The following INSR variants were observed in gnomAD, a reference collection of about 807,000 sequenced individuals.
INSR encodes the protein IR.
INSR carries 67 observed loss-of-function variants against 142.6 expected under a neutral mutation model. That is an observed-to-expected ratio of 0.47 (90% confidence interval 0.39 to 0.58). The LOEUF (loss-of-function observed/expected upper bound fraction) is 0.58, where lower values mean the gene tolerates loss of function less well. Among genes scored for constraint, INSR ranks in the 20% least tolerant of loss-of-function variants. INSR has a pLI of 0.00. For missense variants in INSR, 1,248 were observed against 1,833.2 expected (o/e 0.68, Z 5.83); for synonymous variants, 756 against 743.1 (o/e 1.02, Z -0.28).
chr19:7,214,799 C>G (rs1333766179), intron 2 of INSR, among the ~76,000 whole-genome samples: 1 of 145,746 alleles, frequency 6.9e-6, no homozygotes, highest in Non-Finnish European at 1.5e-5. Flanking sequence ...TCCCTCCCTC[C>G]CTCCTCCCTC....
chr19:7,283,787 CT>C (rs1968271116), intron 1 of INSR, among the ~76,000 whole-genome samples: 1 of 152,092 alleles, frequency 6.6e-6, no homozygotes, highest in Admixed American at 6.6e-5. Flanking sequence ...TAGTTTGGCT[CT>C]GTGAAATTCC....
chr19:7,251,346 T>C (rs759824779), intron 2 of INSR, among the ~76,000 whole-genome samples: 1 of 152,018 alleles, frequency 6.6e-6, no homozygotes, highest in Non-Finnish European at 1.5e-5. Flanking sequence ...AGCCTCAACC[T>C]TCTGTGCTCA....
At chr19:7,208,272 CA>C (rs1287156664) in intron 2 of INSR, among the ~76,000 whole-genome samples, 1 of 152,146 alleles carries the variant, frequency 6.6e-6, no homozygotes, top group African/African-American at 2.4e-5. Context: ...ATCTAAAGAT[CA>C]AAGGTGTTTC....
chr19:7,117,335 G>C lies in INSR; in HGVS notation c.3870C>G (p.Leu1290=), dbSNP rs1972360059. 6.2e-7 allele frequency: 1 copy of C among 1,614,012 alleles called. No individual in the cohort carries two copies. Among genetic ancestry groups the C allele is most frequent in the African/African-American group, 1.3e-5 (1 of 74,916 alleles). ...GAAAGCTGGGGTGCAGGTCGTCCTT[G>C]AGCAGGTTGACAATCTCCAGGAAGG... ...RPTFLEIVNL[L]KDDLHPSFPE... Residue 1290 remains leucine, a synonymous_variant, in exon 22 of 22, where the codon CTC becomes CTG. Coordinates refer to ENST00000302850, the MANE Select transcript of INSR (RefSeq NM_000208.4).
At chr19:7,231,374 C>T (rs1010263190) in intron 2 of INSR, among the ~76,000 whole-genome samples, 10 of 145,750 alleles carry the variant, frequency 6.9e-5, no homozygotes, top group African/African-American at 2.6e-4. Flanking sequence ...GATCTCTGCT[C>T]TCTGCAACCT....
intron 3 of INSR, among the ~76,000 whole-genome samples, chr19:7,177,152 T>C (rs551549733): frequency 6.6e-6 from 1 of 152,270 alleles, no homozygotes; most frequent in South Asian, 2.1e-4. Flanking sequence ...AAAGCCCTTC[T>C]AGATCCAGGA....
At chr19:7,271,830 C>T (rs928043584) in intron 1 of INSR, among the ~76,000 whole-genome samples, 58 of 151,248 alleles carry the variant, frequency 3.8e-4, no homozygotes, top group South Asian at 1.3e-3. Context: ...GGCAACATAG[C>T]GAGTCTCCAT....
At chr19:7,209,706 G>A (rs1975218574) in intron 2 of INSR, among the ~76,000 whole-genome samples, 1 of 152,004 alleles carries the variant, frequency 6.6e-6, no homozygotes, top group Non-Finnish European at 1.5e-5. Flanking sequence ...GAGCCATGAC[G>A]CCTGGCCAAA....
At chr19:7,263,150 T>G (rs1446612077) in intron 2 of INSR, among the ~76,000 whole-genome samples, 3 of 151,846 alleles carry the variant, frequency 2.0e-5, no homozygotes, top group Admixed American at 1.3e-4. Context: ...TGGTGGCTGG[T>G]GCCTATAAGT....
At chr19:7,202,419 C>T (rs950883224) in intron 2 of INSR, among the ~76,000 whole-genome samples, 2 of 152,124 alleles carry the variant, frequency 1.3e-5, no homozygotes, top group African/African-American at 4.8e-5. Context: ...TCATTGTCAT[C>T]TTCAAATAGT....
At chr19:7,195,267 A>T (rs1369538448) in intron 2 of INSR, among the ~76,000 whole-genome samples, 2 of 152,118 alleles carry the variant, frequency 1.3e-5, no homozygotes, top group Non-Finnish European at 2.9e-5. Flanking sequence ...AAAAGACAAA[A>T]TATTTGTGTA....
intron 3 of INSR, among the ~76,000 whole-genome samples, chr19:7,178,427 C>T (rs1446881379): frequency 6.6e-6 from 1 of 151,998 alleles, no homozygotes; most frequent in Non-Finnish European, 1.5e-5. Flanking sequence ...CCAATTAAAA[C>T]TCTGGATACT....
rs753211899 is a variant in INSR, at chr19:7,125,355, T to G, written c.3186A>C (p.Ser1062=). ...TRVAVKTVNE[S]ASLRERIEFL... is the part of the protein sequence containing the mutation. The stretch of plus-strand genomic sequence containing the variant: ...ACTCAATCCGCTCTCGGAGACTGGC[T>G]GACTCGTTGACCGTCTTCACCGCCA... Residue 1062 remains serine (S), a synonymous_variant, in exon 17 of 22, where the codon TCA becomes TCC. Coordinates refer to ENST00000302850, the MANE Select transcript of INSR (RefSeq NM_000208.4). The surrounding 1 kb of genome is among the most constrained non-coding windows in gnomAD (Gnocchi z 4.9). The G allele has an allele frequency of 6.2e-7, 1 of 1,614,106 alleles. No individual in the cohort carries two copies. The highest frequency in any genetic ancestry group is 8.5e-7 in the Non-Finnish European group (1 of 1,180,016).
rs560728256 is a variant in INSR at position 7,207,253 on chromosome 19, TAA to T, written c.653-22618_653-22617del. Among the ~76,000 whole-genome samples the T allele has an allele frequency of 7.9e-4, 120 of 151,890 alleles. 1 individual carries two copies. Among genetic ancestry groups the T allele is most frequent in the African/African-American group, 2.7e-3 (111 of 41,424 alleles). ...CAACATGGTGAAACCTTGTCTCTGC[TAA>T]AAATAGAAAAATTAGCCAGGCATGG... On this transcript the variant is annotated intron_variant, in intron 2 of 21. Coordinates refer to ENST00000302850, the MANE Select transcript of INSR (RefSeq NM_000208.4).
At chr19:7,208,074 CTCGTGTTTGGCTCACGA>C (rs1975165883) in intron 2 of INSR, among the ~76,000 whole-genome samples, 1 of 152,082 alleles carries the variant, frequency 6.6e-6, no homozygotes, top group South Asian at 2.1e-4. Flanking sequence ...AGAAAACCAC[CTCGTGTTTGGCTCACGA>C]ACTTCTGCTT....
chr19:7,127,813 G>A (rs911308392), intron 15 of INSR, among the ~76,000 whole-genome samples: 15 of 150,954 alleles, frequency 9.9e-5, no homozygotes, highest in Admixed American at 9.9e-4. Flanking sequence ...GTGCGATCTC[G>A]GCTCACTGCA....
Position 7,248,754 on chromosome 19 carries a change from A to ATTTTTTTTTTTTTTTTTT in INSR, c.652+18573_652+18590dup, listed in dbSNP as rs552940485. Reference sequence around the variant, plus strand: ...CCTGGACTATTCCCGGTTGGCCAGAATTTTTTTTTTTTTTTTTTTTTGAGA... The same window carrying ATTTTTTTTTTTTTTTTTT: ...CCTGGACTATTCCCGGTTGGCCAGAATTTTTTTTTTTTTTTTTTTTTTTTTTTTTTTTTTTTTTTGAGA... On this transcript the variant is annotated intron_variant, in intron 2 of 21. Transcript: ENST00000302850. Among the ~76,000 whole-genome samples, 17 of 97,276 alleles carry ATTTTTTTTTTTTTTTTTT rather than the reference A, an allele frequency of 1.7e-4. 2 individuals carry two copies. The highest frequency in any genetic ancestry group is 7.2e-4 in the African/African-American group (16 of 22,134). The allele number at this position is 97,276 out of a possible 152,430, so 63.8% of individuals were successfully genotyped here.
At chr19:7,158,361 C>T (rs1052731882) in intron 9 of INSR, among the ~76,000 whole-genome samples, 29 of 151,966 alleles carry the variant, frequency 1.9e-4, no homozygotes, top group Admixed American at 1.3e-3. Context: ...ATTAGCCGGG[C>T]GTGGTGGCGG....
chr19:7,165,410 A>C (rs913947212), intron 8 of INSR, among the ~76,000 whole-genome samples: 3 of 152,164 alleles, frequency 2.0e-5, no homozygotes, highest in Non-Finnish European at 4.4e-5. Context: ...AAATGACCAA[A>C]GGCTGAAGCT....
Sources: allele counts gnomAD v4.1 joint callset (sites outside exome capture counted in the v4.1 genomes callset), GRCh38; gene constraint gnomAD v4.1.1; non-coding constraint Gnocchi (gnomAD v3.1); transcripts MANE v1.5; gene names NCBI Gene and HGNC (gene_info 2026-07-23, HGNC 2026-07-21).